The following BTBD8 variants were observed in gnomAD, a reference collection of about 807,000 sequenced individuals.
BTBD8 encodes BTB/POZ domain-containing protein 8.
A neutral mutation model predicts 162.9 loss-of-function variants in BTBD8; 110 were observed. That is an observed-to-expected ratio of 0.68 (90% CI 0.58 to 0.79). BTBD8 has a LOEUF of 0.79. BTBD8 is among the 30% of genes least tolerant of loss of function. BTBD8 has a pLI of 0.00. For synonymous variants in BTBD8, 667 were observed against 716.1 expected, an observed-to-expected ratio of 0.93 and a Z score of 1.10; for missense variants, 1,905 against 2,085.4, an observed-to-expected ratio of 0.91 and a Z score of 1.68.
chr1:92,151,169 A>G (rs781750907), intron 9 of BTBD8, among the ~76,000 whole-genome samples: 67 of 152,080 alleles, frequency 4.4e-4, no homozygotes, highest in Non-Finnish European at 1.2e-4. Context: ...CTTGGTCAAC[A>G]TGGTGAAACC....
chr1:92,102,724 A>T, intron 3 of BTBD8, 55 bp downstream of exon 3: 2 of 1,327,934 alleles, frequency 1.5e-6, no homozygotes, highest in Non-Finnish European at 2.0e-6. Flanking sequence ...TTATATTCTG[A>T]TACAGTTAGA....
Position 92,181,348 on chromosome 1 carries a change from A to G in BTBD8, c.3665A>G (p.Glu1222Gly). The G allele has an allele frequency of 6.4e-7, 1 of 1,551,686 alleles. No individual in the cohort carries two copies. The highest frequency in any genetic ancestry group is 2.4e-5 in the East Asian group (1 of 40,918). ...PKNMETSESP[E>G]SHETPETPFV... ...AATATGGAAACATCAGAATCTCCAG[A>G]GAGCCATGAAACTCCAGAAACTCCA... Residue 1222 changes from glutamate to glycine, a missense_variant, in exon 17 of 18, where the codon GAG (glutamate) becomes GGG (glycine). By Grantham distance (98) the Glu-to-Gly change is moderately conservative (BLOSUM62 -2). Transcript: ENST00000636805.
chr1:92,149,392 C>T (rs2100641211), intron 9 of BTBD8, among the ~76,000 whole-genome samples: 1 of 152,208 alleles, frequency 6.6e-6, no homozygotes, highest in Middle Eastern at 3.4e-3. Flanking sequence ...AAAGGGTTAG[C>T]ATATTTGTTG....
At chr1:92,082,283 T>G (rs1193392937) in intron 1 of BTBD8, among the ~76,000 whole-genome samples, 1 of 152,208 alleles carries the variant, frequency 6.6e-6, no homozygotes, top group Non-Finnish European at 1.5e-5. Flanking sequence ...TAAATTAATT[T>G]TCTCCAAGCA....
In BTBD8 at chr1:92,088,873, T is replaced by C; in HGVS notation, c.325T>C (p.Leu109=). The part of the protein sequence containing the change: ...EPIAVENVEA[L]EFRTFLQIIY... ...TATTGCTGTGGAGAATGTTGAAGCT[T>C]TAGAATTTAGAACGTTTTTACAGTA... The change falls in exon 2 of 18, where the codon TTA becomes CTA. Residue 109 remains leucine, a synonymous_variant. Coordinates refer to ENST00000636805, the MANE Select transcript of BTBD8 (RefSeq NM_001376131.1). 1 of 1,610,826 alleles carries C rather than the reference T, an allele frequency of 6.2e-7. No homozygotes were observed. The highest frequency in any genetic ancestry group is 1.1e-5 in the South Asian group (1 of 90,370).
At chr1:92,112,087 G>T (rs998468292) in intron 4 of BTBD8, among the ~76,000 whole-genome samples, 3 of 152,078 alleles carry the variant, frequency 2.0e-5, no homozygotes, top group Non-Finnish European at 2.9e-5. Flanking sequence ...GTGCTTTGGG[G>T]GGATTAAATA....
Position 92,080,557 on chromosome 1 carries a change from G to A in BTBD8, c.-15G>A. 6.2e-7 allele frequency: 1 copy of A among 1,613,066 alleles called. No individual in the cohort carries two copies. Among genetic ancestry groups the A allele is most frequent in the African/African-American group, 1.3e-5 (1 of 74,986 alleles). ...CCAAGTACTGGGCCTCCAGGGCGTC[G>A]TACCTCTGTGAGACATGGCTCGCTG... On this transcript the variant is annotated 5_prime_UTR_variant, in exon 1 of 18. Coordinates refer to ENST00000636805, the MANE Select transcript of BTBD8 (RefSeq NM_001376131.1).
intron 9 of BTBD8, among the ~76,000 whole-genome samples, chr1:92,148,077 A>G (rs1353309786): frequency 1.3e-5 from 2 of 152,178 alleles, no homozygotes; most frequent in East Asian, 3.8e-4. Flanking sequence ...GCTCAGCAGT[A>G]TTGACCCACT....
intron 1 of BTBD8, among the ~76,000 whole-genome samples, chr1:92,084,252 T>C (rs944315655): frequency 1.3e-5 from 2 of 152,212 alleles, no homozygotes; most frequent in African/African-American, 4.8e-5. Context: ...TCTACACAAA[T>C]TTATATATTT....
chr1:92,146,859 A>C (rs891885319), intron 7 of BTBD8, among the ~76,000 whole-genome samples: 7 of 152,144 alleles, frequency 4.6e-5, no homozygotes, highest in Non-Finnish European at 8.8e-5. Flanking sequence ...TCATCTAGTA[A>C]AGGACAACAT....
rs1424558098 is a variant in BTBD8 at position 92,184,101 on chromosome 1, CCGT to C, written c.5151_5153del (p.Val1718del). 1.3e-6 allele frequency: 2 copies of C among 1,551,550 alleles called. No homozygotes were observed. The highest frequency in any genetic ancestry group is 1.7e-6 in the Non-Finnish European group (2 of 1,146,884). On this transcript the variant is annotated inframe_deletion, in exon 18 of 18. Coordinates refer to ENST00000636805, the MANE Select transcript of BTBD8 (RefSeq NM_001376131.1). ...GATTCAAACTTAGATGTTACAAATTCCGTTCCTGAAGACTTAAGTTTAGCACAG... is the reference window on the plus strand; with the variant it reads ...GATTCAAACTTAGATGTTACAAATTCTCCTGAAGACTTAAGTTTAGCACAG...
At chr1:92,109,444 C>T (rs1317202835) in intron 4 of BTBD8, among the ~76,000 whole-genome samples, 1 of 152,088 alleles carries the variant, frequency 6.6e-6, no homozygotes, top group Admixed American at 6.5e-5. Flanking sequence ...TTTGGCCTCT[C>T]CCTGTGTGCT....
chr1:92,115,057 C>G (rs746887659), intron 4 of BTBD8: 16 of 374,836 alleles, frequency 4.3e-5, no homozygotes, highest in Middle Eastern at 9.1e-4. Context: ...GCTGGTTTCT[C>G]CAGAGAGCAG....
At chr1:92,125,097 G>T (rs1292474850) in intron 4 of BTBD8, among the ~76,000 whole-genome samples, 1 of 152,078 alleles carries the variant, frequency 6.6e-6, no homozygotes, top group African/African-American at 2.4e-5. Context: ...ATTTGTAAAT[G>T]ATTTATTCCT....
chr1:92,179,064 G>A (rs749157016), intron 16 of BTBD8, among the ~76,000 whole-genome samples: 8 of 152,064 alleles, frequency 5.3e-5, no homozygotes, highest in Non-Finnish European at 1.0e-4. Context: ...TGACCAATAT[G>A]GTGAAACCCC....
intron 3 of BTBD8, among the ~76,000 whole-genome samples, chr1:92,106,660 CAAAAAAAAAAAAAAA>C (rs60676530): frequency 1.0e-4 from 1 of 9,944 alleles, no homozygotes; most frequent in African/African-American, 4.0e-4. Flanking sequence ...GACTCTGTCT[CAAAAAAAAAAAAAAA>C]AAAAAAAAAA....
rs796575290 is a variant in BTBD8 at position 92,169,144 on chromosome 1, C to T, written c.1573+149C>T. The T allele has an allele frequency of 2.3e-5, 16 of 687,140 alleles. No individual in the cohort carries two copies. The African/African-American group carries it at 2.7e-4, about 11-fold the overall frequency. 42.6% of individuals were successfully genotyped at this position (687,140 alleles called of 1,614,324 possible). ...TGAAACTGGTGCTCATATGTTTAGG[C>T]AGTTTTAATAAATCATGCTTTTTAG... On this transcript the variant is annotated intron_variant, in intron 12 of 17. Transcript: ENST00000636805.
intron 11 of BTBD8, 132 bp from the exon 12 acceptor site, chr1:92,168,734 C>T: frequency 4.9e-6 from 4 of 821,010 alleles, no homozygotes; most frequent in Non-Finnish European, 5.1e-6. Flanking sequence ...TAACATGTAC[C>T]CAACGATCTT....
At chr1:92,097,286 G>A (rs1648477919) in intron 2 of BTBD8, among the ~76,000 whole-genome samples, 1 of 152,004 alleles carries the variant, frequency 6.6e-6, no homozygotes, top group African/African-American at 2.4e-5. Flanking sequence ...TACTCCACCA[G>A]CTAATACCCT....
Sources: gnomAD v4.1 joint callset for allele counts (sites outside exome capture counted in the v4.1 genomes callset) on GRCh38, gnomAD v4.1.1 for gene constraint, MANE v1.5 for transcripts, NCBI Gene and HGNC (gene_info 2026-07-23, HGNC 2026-07-21) for gene names.